The following EGFR variants were observed in gnomAD, a reference collection of about 807,000 sequenced individuals.
EGFR encodes the protein avian erythroblastic leukemia viral (v-erb-b) oncogene homolog.
Under a neutral mutation model 143.0 loss-of-function variants are expected in EGFR, and 58 were observed. That is an observed-to-expected ratio of 0.41 (90% CI 0.33 to 0.50). The LOEUF is 0.50. EGFR is among the 20% of genes least tolerant of loss of function. The pLI is 0.39. For missense variants in EGFR, 1,307 were observed against 1,579.0 expected (o/e 0.83, Z 2.92); for synonymous variants, 613 against 594.4 (o/e 1.03, Z -0.45).
intron 20 of EGFR, among the ~76,000 whole-genome samples, chr7:55,183,788 G>C (rs886400007): frequency 2.0e-5 from 3 of 152,204 alleles, no homozygotes; most frequent in African/African-American, 7.2e-5. Flanking sequence ...GTCCCAACCG[G>C]GAGGTGAGCC....
chr7:55,106,664 T>G (rs923397970), intron 1 of EGFR, among the ~76,000 whole-genome samples: 4 of 152,230 alleles, frequency 2.6e-5, no homozygotes, highest in African/African-American at 9.6e-5. Context: ...AATTAATTAT[T>G]TCATGCAAAA....
At chr7:55,132,935 C>T (rs1036243380) in intron 1 of EGFR, among the ~76,000 whole-genome samples, 1 of 152,200 alleles carries the variant, frequency 6.6e-6, no homozygotes, top group African/African-American at 2.4e-5. Flanking sequence ...GGTCATCATG[C>T]AACCTCTGTG....
intron 27 of EGFR, 108 bp from the exon 28 acceptor site, chr7:55,205,148 T>G (rs564533241): frequency 3.3e-6 from 5 of 1,528,090 alleles, no homozygotes; most frequent in Admixed American, 3.9e-5. Flanking sequence ...TCCTGCTCCC[T>G]GTCATAAGTC....
intron 1 of EGFR, among the ~76,000 whole-genome samples, chr7:55,120,731 C>T (rs1391359544): frequency 2.0e-5 from 3 of 152,216 alleles, no homozygotes; most frequent in Non-Finnish European, 4.4e-5. Flanking sequence ...GTTGTTGACA[C>T]ATCTCATAAC....
At position 55,194,147 on chromosome 7, in the gene EGFR, C is replaced by G. The variant is rs531881180; in HGVS notation, c.2701+1306C>G. ...CGCCCCTCCCACTCCAGGCACAGCC[C>G]GGTCTCCTGCTGGTCTCCCCTCTTC... On this transcript the variant is annotated intron_variant, in intron 22 of 27. Coordinates refer to ENST00000275493, the MANE Select transcript of EGFR (RefSeq NM_005228.5). Among the ~76,000 whole-genome samples the G allele has an allele frequency of 5.3e-5, 8 of 152,216 alleles. No homozygotes were observed. The East Asian group carries it at 1.4e-3, about 26-fold the overall frequency.
intron 1 of EGFR, among the ~76,000 whole-genome samples, chr7:55,061,959 G>A (rs1406984082): frequency 1.3e-5 from 2 of 152,156 alleles, no homozygotes; most frequent in Non-Finnish European, 2.9e-5. Flanking sequence ...GCTCATCGCT[G>A]GAGGCCAGAG....
chr7:55,050,419 G>C (rs1463188446), intron 1 of EGFR, among the ~76,000 whole-genome samples: 1 of 152,180 alleles, frequency 6.6e-6, no homozygotes, highest in Admixed American at 6.5e-5. Context: ...GCATATGGCA[G>C]AACATCTGTC....
intron 1 of EGFR, among the ~76,000 whole-genome samples, chr7:55,069,629 C>T (rs1306619008): frequency 2.6e-5 from 4 of 152,164 alleles, no homozygotes; most frequent in South Asian, 2.1e-4. Context: ...CCTCCTAGGT[C>T]GTGAAGCTGT....
chr7:55,106,574 G>C (rs1020380644), intron 1 of EGFR, among the ~76,000 whole-genome samples: 1 of 152,162 alleles, frequency 6.6e-6, no homozygotes, highest in Non-Finnish European at 1.5e-5. Flanking sequence ...AATCAGGCCT[G>C]CACTGCCTGT....
intron 1 of EGFR, among the ~76,000 whole-genome samples, chr7:55,095,692 C>G (rs942463289): frequency 6.7e-6 from 1 of 150,060 alleles, no homozygotes; most frequent in Non-Finnish European, 1.5e-5. Context: ...CACACAGACA[C>G]ACGCACACAG....
intron 27 of EGFR, among the ~76,000 whole-genome samples, chr7:55,204,651 TAC>T (rs202058650): frequency 1.0e-5 from 1 of 96,746 alleles, no homozygotes; most frequent in Non-Finnish European, 2.1e-5. Flanking sequence ...TACATACACA[TAC>T]ACACACCACA....
intron 1 of EGFR, among the ~76,000 whole-genome samples, chr7:55,054,327 T>G (rs118185997): frequency 3.3e-5 from 5 of 152,336 alleles, no homozygotes; most frequent in Non-Finnish European, 7.3e-5. Context: ...TCACTCTCCC[T>G]TTGGGATATG....
intron 27 of EGFR, among the ~76,000 whole-genome samples, chr7:55,203,264 ACC>A: frequency 6.6e-6 from 1 of 150,718 alleles, no homozygotes; most frequent in East Asian, 1.9e-4. Context: ...ACATACACAC[ACC>A]ACACATACAC....
intron 3 of EGFR, 121 bp from the exon 4 acceptor site, chr7:55,146,485 G>C: frequency 1.3e-6 from 2 of 1,503,096 alleles, no homozygotes; most frequent in Non-Finnish European, 1.8e-6. Flanking sequence ...GCTAATTGCG[G>C]GACTCTTGTT....
chr7:55,179,279 A>G (rs1387224271), intron 19 of EGFR, among the ~76,000 whole-genome samples: 2 of 152,230 alleles, frequency 1.3e-5, no homozygotes, highest in South Asian at 2.1e-4. Flanking sequence ...GGGTTTGTTC[A>G]TATGGAAGGC....
At chr7:55,035,484 C>T (rs1787503148) in intron 1 of EGFR, among the ~76,000 whole-genome samples, 1 of 148,278 alleles carries the variant, frequency 6.7e-6, no homozygotes, top group Non-Finnish European at 1.5e-5. Flanking sequence ...ACCAGCCTGG[C>T]CAACATAGCA....
At chr7:55,185,905 A>G (rs1328583823) in intron 20 of EGFR, among the ~76,000 whole-genome samples, 2 of 152,222 alleles carry the variant, frequency 1.3e-5, no homozygotes, top group Non-Finnish European at 2.9e-5. Flanking sequence ...TACGTGGGCT[A>G]CTTAATTTGG....
At chr7:55,054,638 G>A (rs1028923784) in intron 1 of EGFR, among the ~76,000 whole-genome samples, 1 of 152,236 alleles carries the variant, frequency 6.6e-6, no homozygotes, top group East Asian at 1.9e-4. Context: ...GTGTTCAAAA[G>A]CAAGACACTC....
intron 15 of EGFR, among the ~76,000 whole-genome samples, chr7:55,165,639 C>T (rs1358903387): frequency 6.6e-6 from 1 of 152,162 alleles, no homozygotes; most frequent in Non-Finnish European, 1.5e-5. Flanking sequence ...CTGCCATGCA[C>T]CGTGTCCCCG....
Sources: allele counts gnomAD v4.1 joint callset (sites outside exome capture counted in the v4.1 genomes callset), GRCh38; gene constraint gnomAD v4.1.1; transcripts MANE v1.5; gene names NCBI Gene and HGNC (gene_info 2026-07-23, HGNC 2026-07-21).